Variants in TPM3 observed in about 807,000 individuals in gnomAD.
The protein encoded by TPM3 is tropomyosin 3.
In TPM3, 16 loss-of-function variants were observed where a neutral mutation model predicts 43.1. The observed-to-expected ratio is 0.37, with a 90% CI of 0.25 to 0.56. TPM3 has a LOEUF of 0.56. Ranked by LOEUF, TPM3 falls within the 20% of genes least tolerant of loss-of-function variation. TPM3 has a pLI of 0.77. For synonymous variants in TPM3, 101 were observed against 116.9 expected, an observed-to-expected ratio of 0.86 and a Z score of 0.88; for missense variants, 176 against 337.2, an observed-to-expected ratio of 0.52 and a Z score of 3.74.
chr1:154,156,016 A>G (rs1463342104), downstream of TPM3: 1 of 180,562 alleles, frequency 5.5e-6, no homozygotes, highest in African/African-American at 2.4e-5. Flanking sequence ...GATCACCTGA[A>G]GGTCAGGAGT....
chr1:154,157,579 T>C (rs1659941389), downstream of TPM3: 3 of 769,778 alleles, frequency 3.9e-6, no homozygotes, highest in South Asian at 1.3e-5. Context: ...TCCCGCAGGC[T>C]GGCCTCAGGC....
Position 154,176,016 on chromosome 1 carries a change from A to G in TPM3, c.377+99T>C, listed in dbSNP as rs1662263679. 12 of 1,585,190 alleles carry G rather than the reference A, an allele frequency of 7.6e-6. No homozygotes were observed. The Admixed American group carries it at 8.4e-5, about 11-fold the overall frequency. On this transcript the variant is annotated intron_variant, in intron 3 of 9. Coordinates refer to ENST00000651641, the MANE Select transcript of TPM3 (RefSeq NM_152263.4). ...ATTACAGGCGTGAGCCATCACACGC[A>G]GCCAGAATTGCTATTTAGAAAACAG...
At chr1:154,189,320 T>TA (rs957260345) in intron 2 of TPM3, among the ~76,000 whole-genome samples, 90 of 142,326 alleles carry the variant, frequency 6.3e-4, no homozygotes, top group African/African-American at 1.8e-3. Flanking sequence ...CCATCTTTAC[T>TA]AAAAAAAAAA....
intron 6 of TPM3, chr1:154,170,979 T>G: frequency 1.8e-6 from 1 of 541,328 alleles, no homozygotes; most frequent in Non-Finnish European, 3.3e-6. Flanking sequence ...CCCAAGGAGG[T>G]GTTTTTCCTT....
intron 5 of TPM3, chr1:154,172,147 G>A (rs1236822207): frequency 6.2e-7 from 1 of 1,604,498 alleles, no homozygotes; most frequent in East Asian, 2.2e-5. Context: ...CAGGTTGTGG[G>A]GAGGGAGAAA....
At chr1:154,190,435 G>A (rs1003171056) in intron 2 of TPM3, among the ~76,000 whole-genome samples, 3 of 152,184 alleles carry the variant, frequency 2.0e-5, no homozygotes, top group Non-Finnish European at 4.4e-5. Context: ...ATGAAGGAAA[G>A]TAGGTGATGA....
chr1:154,172,811 C>CA (rs922729966), intron 5 of TPM3, 97 bp downstream of exon 5: 2 of 1,481,582 alleles, frequency 1.3e-6, no homozygotes, highest in African/African-American at 2.8e-5. Flanking sequence ...CCCTGTTTAA[C>CA]AAGGTTGAAG....
At chr1:154,170,328 A>C in intron 8 of TPM3, 72 bp downstream of exon 8, 1 of 1,538,578 alleles carries the variant, frequency 6.5e-7, no homozygotes, top group South Asian at 1.1e-5. Flanking sequence ...GTGTACAGAA[A>C]AAGAGATTAA....
chr1:154,185,335 T>C lies in TPM3; in HGVS notation c.243+5851A>G, dbSNP rs1335322289. Among the ~76,000 whole-genome samples, 3 of 143,742 alleles carry C rather than the reference T, an allele frequency of 2.1e-5. No homozygotes were observed. The Admixed American group carries it at 2.1e-4, about 10-fold the overall frequency. The allele number at this position is 143,742 out of a possible 152,430, so 94.3% of individuals were successfully genotyped here. A position where few individuals can be genotyped will look rare whatever the true frequency, so the allele number is the denominator to read the frequency against. ...TTGCAGTGAGCTGAGATGGTGCCACTCTACTCCAGCCCGGGTGACAGAGTG... is the reference window on the plus strand; with the variant it reads ...TTGCAGTGAGCTGAGATGGTGCCACCCTACTCCAGCCCGGGTGACAGAGTG... On this transcript the variant is annotated intron_variant, in intron 2 of 9. Coordinates refer to ENST00000651641, the MANE Select transcript of TPM3 (RefSeq NM_152263.4).
chr1:154,167,568 G>T lies in TPM3; in HGVS notation c.*369C>A, dbSNP rs935860636. On this transcript the variant is annotated 3_prime_UTR_variant, in exon 10 of 10. Coordinates refer to ENST00000651641, the MANE Select transcript of TPM3 (RefSeq NM_152263.4). Reference sequence around the variant, plus strand: ...CTGTACTAAATCCATCACTCTGGTAGAATCAGATCAGCTGAGTTTAAATGT... The same window carrying T: ...CTGTACTAAATCCATCACTCTGGTATAATCAGATCAGCTGAGTTTAAATGT... 3.0e-5 allele frequency: 35 copies of T among 1,177,162 alleles called. No homozygotes were observed. The highest frequency in any genetic ancestry group is 3.7e-5 in the Non-Finnish European group (35 of 944,054). 72.9% of individuals were successfully genotyped at this position (1,177,162 alleles called of 1,614,324 possible).
At chr1:154,171,018 C>T (rs1453733517) in intron 6 of TPM3, 1 of 525,734 alleles carries the variant, frequency 1.9e-6, no homozygotes, top group African/African-American at 1.9e-5. Context: ...AGAGTAGTAG[C>T]ACCCCAAGGT....
intron 2 of TPM3, among the ~76,000 whole-genome samples, chr1:154,177,489 A>C (rs960383349): frequency 1.3e-5 from 2 of 152,120 alleles, no homozygotes; most frequent in Non-Finnish European, 1.5e-5. Context: ...TGGATGGATA[A>C]ATTCTAATGG....
Position 154,167,324 on chromosome 1 carries a change from C to G in TPM3, c.*613G>C. ...TCTTAGCAATAATGTATTGGGTTCACTGGGTGTTCTGAGGATGCACCATTT... is the reference window on the plus strand; with the variant it reads ...TCTTAGCAATAATGTATTGGGTTCAGTGGGTGTTCTGAGGATGCACCATTT... On this transcript the variant is annotated 3_prime_UTR_variant, in exon 10 of 10. Transcript: ENST00000651641. 1 of 1,055,496 alleles carries G rather than the reference C, an allele frequency of 9.5e-7. No homozygotes were observed. The highest frequency in any genetic ancestry group is 4.6e-5 in the South Asian group (1 of 21,884). 65.4% of individuals were successfully genotyped at this position (1,055,496 alleles called of 1,614,324 possible).
intron 8 of TPM3, 49 bp downstream of exon 8, chr1:154,170,351 A>G (rs1661430477): frequency 6.4e-7 from 1 of 1,570,566 alleles, no homozygotes; most frequent in Non-Finnish European, 8.8e-7. Context: ...GTTAATGGGC[A>G]GTCTTCCTCT....
Position 154,167,941 on chromosome 1 carries a change from C to T in TPM3, c.855-1G>A, listed in dbSNP as rs113605263. On this transcript the variant is annotated splice_acceptor_variant, in intron 9 of 9. Transcript: ENST00000651641. LOFTEE classifies it high-confidence loss of function. The stretch of plus-strand genomic sequence containing the variant: ...ACAGAGCAGAAACGGTGATAATTAT[C>T]TGTATGAAAAAGTAAGGATACTCTA... 3.7e-6 allele frequency: 6 copies of T among 1,613,792 alleles called. No homozygotes were observed. In the Admixed American group the frequency reaches 1.0e-4, roughly 27 times the overall value.
At chr1:154,183,139 C>G in intron 2 of TPM3, 1 of 1,597,918 alleles carries the variant, frequency 6.3e-7, no homozygotes, top group Non-Finnish European at 8.5e-7. Flanking sequence ...CCAGCTACTG[C>G]TCGCGCTCCG....
intron 2 of TPM3, among the ~76,000 whole-genome samples, chr1:154,180,670 G>A (rs184011868): frequency 1.7e-3 from 257 of 152,224 alleles, no homozygotes; most frequent in African/African-American, 5.9e-3. Context: ...CACTTTGGGA[G>A]GCTGAGGCAG....
At chr1:154,190,028 G>A (rs576321873) in intron 2 of TPM3, among the ~76,000 whole-genome samples, 9 of 151,820 alleles carry the variant, frequency 5.9e-5, no homozygotes, top group South Asian at 2.1e-4. Context: ...TGCAGCCTCC[G>A]CCTCCTGGGT....
rs920979625 is a variant in TPM3, at chr1:154,167,308, T to C, written c.*629A>G. The stretch of plus-strand genomic sequence containing the variant: ...TGACATAATTAGTCAATCTTAGCAA[T>C]AATGTATTGGGTTCACTGGGTGTTC... On this transcript the variant is annotated 3_prime_UTR_variant, in exon 10 of 10. Coordinates refer to ENST00000651641, the MANE Select transcript of TPM3 (RefSeq NM_152263.4). The C allele has an allele frequency of 1.0e-6, 1 of 985,178 alleles. No individual in the cohort carries two copies. The highest frequency in any genetic ancestry group is 1.2e-6 in the Non-Finnish European group (1 of 829,864). 61.0% of individuals were successfully genotyped at this position (985,178 alleles called of 1,614,324 possible).
Sources: allele counts gnomAD v4.1 joint callset (sites outside exome capture counted in the v4.1 genomes callset), GRCh38; gene constraint gnomAD v4.1.1; transcripts MANE v1.5; gene names NCBI Gene and HGNC (gene_info 2026-07-23, HGNC 2026-07-21).